The following MLIP variants were observed in gnomAD, a reference collection of about 807,000 sequenced individuals.
MLIP encodes muscular LMNA interacting protein, also known as muscular LMNA-interacting protein.
In MLIP, 79 loss-of-function variants were observed where a neutral mutation model predicts 84.8. That is an observed-to-expected ratio of 0.93 (90% CI 0.78 to 1.12). The LOEUF (loss-of-function observed/expected upper bound fraction) is 1.12. MLIP is among the 50% of genes most tolerant of loss of function. MLIP has a pLI of 0.00. For synonymous variants in MLIP, 504 were observed against 463.0 expected (o/e 1.09, Z -1.14); for missense variants, 1,257 against 1,160.6 (o/e 1.08, Z -1.21).
intron 1 of MLIP, among the ~76,000 whole-genome samples, chr6:54,053,736 G>A (rs1230844557): frequency 6.6e-6 from 1 of 152,168 alleles, no homozygotes; most frequent in African/African-American, 2.4e-5. Context: ...TTAGCACAGT[G>A]CCTAGCTGAA....
intron 5 of MLIP, among the ~76,000 whole-genome samples, chr6:54,150,466 C>A (rs111524924): frequency 6.6e-6 from 1 of 152,288 alleles, no homozygotes; most frequent in African/African-American, 2.4e-5. Context: ...AGTTCCCACA[C>A]CACAGACTCT....
Position 54,246,743 on chromosome 6 carries a change from T to C in MLIP, c.2923-10565T>C, listed in dbSNP as rs951531015. 1.1e-4 allele frequency among the ~76,000 whole-genome samples: 16 copies of C among 152,282 alleles called. 1 individual carries two copies. In the South Asian group the frequency reaches 2.9e-3, roughly 28 times the overall value. Reference sequence around the variant, plus strand: ...GTATTTAACCTTGTTTTGCTGTTGATGGTCCTTAACTTAAGGTCTGTATTC... The same window carrying C: ...GTATTTAACCTTGTTTTGCTGTTGACGGTCCTTAACTTAAGGTCTGTATTC... On this transcript the variant is annotated intron_variant, in intron 12 of 13. Coordinates refer to ENST00000502396, the MANE Select transcript of MLIP (RefSeq NM_001281747.2).
intron 9 of MLIP, among the ~76,000 whole-genome samples, chr6:54,188,719 AAG>A (rs570319974): frequency 1.8e-3 from 270 of 152,274 alleles, no homozygotes; most frequent in Non-Finnish European, 2.4e-3. Flanking sequence ...GCAGCATTTG[AAG>A]AGATAGTCAT....
chr6:54,072,375 A>G (rs970981948), intron 1 of MLIP, among the ~76,000 whole-genome samples: 3 of 152,224 alleles, frequency 2.0e-5, no homozygotes, highest in East Asian at 1.9e-4. Context: ...ATGGTTTGCA[A>G]TCATTAACTC....
chr6:54,241,026 A>G (rs1781702191), intron 12 of MLIP, among the ~76,000 whole-genome samples: 1 of 152,012 alleles, frequency 6.6e-6, no homozygotes, highest in Non-Finnish European at 1.5e-5. Flanking sequence ...GCCTACTTAC[A>G]ACTTAAAAAA....
intron 12 of MLIP, 60 bp downstream of exon 12, chr6:54,230,977 C>CATTTAAG: frequency 1.4e-6 from 2 of 1,428,150 alleles, no homozygotes; most frequent in Non-Finnish European, 2.0e-6. Context: ...TTACGCTTGA[C>CATTTAAG]TTTTAAAACT....
At chr6:54,111,386 C>A (rs1769448916), upstream of MLIP, 1 of 1,483,418 alleles carries the variant, frequency 6.7e-7, no homozygotes, top group African/African-American at 1.4e-5. Context: ...TTTAGAATTT[C>A]TTCTTTCTGC....
chr6:54,088,241 C>T (rs970277171), intron 1 of MLIP, among the ~76,000 whole-genome samples: 1 of 152,158 alleles, frequency 6.6e-6, no homozygotes, highest in Admixed American at 6.6e-5. Context: ...TGTCAAAAGT[C>T]AGATGCTGGA....
intron 11 of MLIP, among the ~76,000 whole-genome samples, chr6:54,211,219 CTG>C (rs1779428726): frequency 6.6e-6 from 1 of 152,124 alleles, no homozygotes; most frequent in Admixed American, 6.5e-5. Context: ...GAGTGAGACT[CTG>C]TACCGAAAAA....
At chr6:54,157,421 T>A (rs1175121245) in intron 5 of MLIP, among the ~76,000 whole-genome samples, 2 of 152,178 alleles carry the variant, frequency 1.3e-5, no homozygotes, top group East Asian at 3.9e-4. Context: ...ACTGACCAGG[T>A]GGAATTCCTG....
chr6:54,050,455 C>A (rs1765312257), intron 1 of MLIP, among the ~76,000 whole-genome samples: 1 of 152,110 alleles, frequency 6.6e-6, no homozygotes. Context: ...TGGGTCACAG[C>A]ACATTTGAAC....
Position 54,111,589 on chromosome 6 carries a change from T to A in MLIP, c.96+14T>A. 1 of 1,535,900 alleles carries A rather than the reference T, an allele frequency of 6.5e-7. No homozygotes were observed. The highest frequency in any genetic ancestry group is 2.4e-5 in the East Asian group (1 of 40,914). On this transcript the variant is annotated intron_variant, in intron 1 of 13. Coordinates refer to ENST00000502396, the MANE Select transcript of MLIP (RefSeq NM_001281747.2). ...ACCACACCCCAGGTAAAAGGAAGTC[T>A]TTGCTTAATGCTTTCAGTAACTTTT...
chr6:54,092,313 T>C lies in MLIP; in HGVS notation c.64-29134T>C, dbSNP rs1379313482. On this transcript the variant is annotated intron_variant, in intron 1 of 12. Transcript: ENST00000274897. ...GCAATTTCAATGCAAATCATAATTATTGGCCTAGCAATAGCATATACTGTA... is the reference window on the plus strand; with the variant it reads ...GCAATTTCAATGCAAATCATAATTACTGGCCTAGCAATAGCATATACTGTA... Among the ~76,000 whole-genome samples, 8 of 152,310 alleles carry C rather than the reference T, an allele frequency of 5.3e-5. No homozygotes were observed. In the East Asian group the frequency reaches 1.2e-3, roughly 22 times the overall value.
intron 10 of MLIP, among the ~76,000 whole-genome samples, chr6:54,190,409 T>A (rs189594636): frequency 6.6e-6 from 1 of 152,306 alleles, no homozygotes; most frequent in East Asian, 1.9e-4. Flanking sequence ...AAACTTCTAG[T>A]ACCCATATTA....
At chr6:54,082,495 C>T (rs1242018102) in intron 1 of MLIP, among the ~76,000 whole-genome samples, 3 of 152,258 alleles carry the variant, frequency 2.0e-5, no homozygotes, top group African/African-American at 4.8e-5. Context: ...GATTACAATT[C>T]GGATTACAAT....
chr6:54,184,292 T>C (rs532797357), intron 9 of MLIP, among the ~76,000 whole-genome samples: 1 of 152,160 alleles, frequency 6.6e-6, no homozygotes, highest in Non-Finnish European at 1.5e-5. Flanking sequence ...GGAAGGGACA[T>C]GACTACTGAA....
intron 4 of MLIP, among the ~76,000 whole-genome samples, chr6:54,141,963 T>C (rs1772355213): frequency 6.6e-6 from 1 of 152,202 alleles, no homozygotes; most frequent in Non-Finnish European, 1.5e-5. Context: ...ACTTTATAAC[T>C]GGTGTTTTAT....
chr6:54,039,205 T>C (rs1195177896), intron 1 of MLIP, among the ~76,000 whole-genome samples: 1 of 152,002 alleles, frequency 6.6e-6, no homozygotes, highest in Non-Finnish European at 1.5e-5. Flanking sequence ...GTTTAAGTGA[T>C]TTAAGTTTGA....
intron 1 of MLIP, among the ~76,000 whole-genome samples, chr6:54,096,131 T>A (rs937527365): frequency 1.8e-4 from 27 of 152,138 alleles, no homozygotes; most frequent in African/African-American, 6.0e-4. Flanking sequence ...CTTTTTAAAT[T>A]TTTTGGTCAG....
Sources: allele counts gnomAD v4.1 joint callset (sites outside exome capture counted in the v4.1 genomes callset), GRCh38; gene constraint gnomAD v4.1.1; transcripts MANE v1.5; gene names NCBI Gene and HGNC (gene_info 2026-07-23, HGNC 2026-07-21).